Variants in SCAF8 observed in about 807,000 individuals in gnomAD.
The protein encoded by SCAF8 is SR-related CTD associated factor 8, also known as SR-related and CTD-associated factor 8.
In SCAF8, 23 loss-of-function variants were observed where a neutral mutation model predicts 140.5. That is an observed-to-expected ratio of 0.16 (90% CI 0.12 to 0.23). SCAF8 has a LOEUF of 0.23. SCAF8 is among the 10% of genes least tolerant of loss of function. The probability of loss-of-function intolerance (pLI) is 1.00; values close to 1 mark genes in which losing one functional copy is unlikely to be tolerated. For missense variants in SCAF8, 1,397 were observed against 1,555.7 expected, an observed-to-expected ratio of 0.90 and a Z score of 1.72; for synonymous variants, 575 against 528.9, an observed-to-expected ratio of 1.09 and a Z score of -1.20.
intron 1 of SCAF8, among the ~76,000 whole-genome samples, chr6:154,765,130 T>TC (rs1204844423): frequency 6.6e-6 from 1 of 152,222 alleles, no homozygotes; most frequent in African/African-American, 2.4e-5. Context: ...ATCATCATCA[T>TC]ATTCTTTTTC....
At chr6:154,749,503 G>A (rs962243012) in intron 1 of SCAF8, among the ~76,000 whole-genome samples, 3 of 152,142 alleles carry the variant, frequency 2.0e-5, no homozygotes, top group Non-Finnish European at 4.4e-5. Context: ...TTCTGATGGG[G>A]TGGGGCTGGG....
At chr6:154,785,857 C>T (rs936565703) in intron 3 of SCAF8, among the ~76,000 whole-genome samples, 3 of 152,126 alleles carry the variant, frequency 2.0e-5, no homozygotes, top group African/African-American at 7.2e-5. Flanking sequence ...CTTTCTCCCC[C>T]TAAAAAGGCT....
At chr6:154,786,840 C>T (rs1224918912) in intron 3 of SCAF8, among the ~76,000 whole-genome samples, 1 of 152,124 alleles carries the variant, frequency 6.6e-6, no homozygotes, top group South Asian at 2.1e-4. Flanking sequence ...GATGACTTAG[C>T]CAAGTTTTCC....
intron 11 of SCAF8, among the ~76,000 whole-genome samples, chr6:154,809,573 AAAG>A (rs1778026624): frequency 6.6e-6 from 1 of 152,204 alleles, no homozygotes; most frequent in South Asian, 2.1e-4. Flanking sequence ...GACAGGCAAA[AAAG>A]AAAGTGTTTC....
intron 3 of SCAF8, among the ~76,000 whole-genome samples, chr6:154,779,067 C>CT (rs1431817117): frequency 6.6e-6 from 1 of 152,114 alleles, no homozygotes; most frequent in East Asian, 1.9e-4. Context: ...GAGTCTCACT[C>CT]TGTCGCCCAA....
At chr6:154,792,550 G>A (rs1191656183) in intron 4 of SCAF8, among the ~76,000 whole-genome samples, 2 of 152,154 alleles carry the variant, frequency 1.3e-5, no homozygotes, top group African/African-American at 4.8e-5. Flanking sequence ...ATCATTAGAA[G>A]TGACATAAGA....
At chr6:154,787,129 A>G (rs1356503095) in intron 3 of SCAF8, among the ~76,000 whole-genome samples, 1 of 152,206 alleles carries the variant, frequency 6.6e-6, no homozygotes, top group Non-Finnish European at 1.5e-5. Context: ...TCTAGGCAGG[A>G]GGATTGCTTG....
chr6:154,801,722 T>C (rs577852750), intron 6 of SCAF8, among the ~76,000 whole-genome samples: 2 of 151,678 alleles, frequency 1.3e-5, no homozygotes, highest in South Asian at 2.1e-4. Context: ...GATGAGCGCT[T>C]TATCTGGTTG....
chr6:154,792,821 A>G lies in SCAF8; in HGVS notation c.322-2A>G. On this transcript the variant is annotated splice_acceptor_variant, in intron 4 of 19. Transcript: ENST00000367178. LOFTEE classifies it high-confidence loss of function. ...AAATGTCATGTTTCTTTTTTTCTCTAGAGTAAAATAGTGAGAGTACTAAAC... is the reference window on the plus strand; with the variant it reads ...AAATGTCATGTTTCTTTTTTTCTCTGGAGTAAAATAGTGAGAGTACTAAAC... The G allele has an allele frequency of 6.3e-7, 1 of 1,585,986 alleles. No homozygotes were observed. The highest frequency in any genetic ancestry group is 8.6e-7 in the Non-Finnish European group (1 of 1,167,000).
chr6:154,780,369 TTTTAAA>T (rs2114856786), intron 3 of SCAF8, among the ~76,000 whole-genome samples: 1 of 151,452 alleles, frequency 6.6e-6, no homozygotes, highest in South Asian at 2.1e-4. Context: ...TTTTTTTTTT[TTTTAAA>T]TTTAAGTTCT....
chr6:154,799,330 C>G (rs1463967733), intron 6 of SCAF8, among the ~76,000 whole-genome samples: 1 of 151,182 alleles, frequency 6.6e-6, no homozygotes, highest in African/African-American at 2.4e-5. Context: ...CCAGGCTGGT[C>G]TCAGACTCCT....
At chr6:154,735,848 G>C (rs1161102297) in intron 1 of SCAF8, among the ~76,000 whole-genome samples, 1 of 150,734 alleles carries the variant, frequency 6.6e-6, no homozygotes, top group African/African-American at 2.4e-5. Context: ...TTCTTTTTTT[G>C]AGGAGTGTCA....
chr6:154,750,178 C>T lies in SCAF8; in HGVS notation c.30+16248C>T, dbSNP rs1349567664. Among the ~76,000 whole-genome samples, 6 of 152,012 alleles carry T rather than the reference C, an allele frequency of 3.9e-5. No homozygotes were observed. The East Asian group carries it at 9.6e-4, about 24-fold the overall frequency. On this transcript the variant is annotated intron_variant, in intron 1 of 19. Coordinates refer to ENST00000367178, the MANE Select transcript of SCAF8 (RefSeq NM_014892.5). ...ATAAAAGAAAGATCCTCACTGTGGACGGAGGCTTAAAATCACCTTTATCTC... is the reference window on the plus strand; with the variant it reads ...ATAAAAGAAAGATCCTCACTGTGGATGGAGGCTTAAAATCACCTTTATCTC...
chr6:154,737,496 C>T (rs1254618834), intron 1 of SCAF8, among the ~76,000 whole-genome samples: 5 of 151,988 alleles, frequency 3.3e-5, no homozygotes, highest in Non-Finnish European at 7.4e-5. Context: ...GCCAGCATGG[C>T]GAAACCCCCA....
At chr6:154,753,468 A>G (rs1001745463) in intron 1 of SCAF8, among the ~76,000 whole-genome samples, 2 of 151,742 alleles carry the variant, frequency 1.3e-5, no homozygotes, top group Non-Finnish European at 2.9e-5. Flanking sequence ...CTTTGTCTCA[A>G]AAAAATAAAT....
At position 154,827,835 on chromosome 6, in the gene SCAF8, G is replaced by C. The variant is rs1023253550; in HGVS notation, c.2140+595G>C. 1.8e-4 allele frequency among the ~76,000 whole-genome samples: 7 copies of C among 39,834 alleles called. No homozygotes were observed. The South Asian group carries it at 2.1e-3, about 12-fold the overall frequency. The allele number at this position is 39,834 out of a possible 152,430, so 26.1% of individuals were successfully genotyped here. A position where few individuals can be genotyped will look rare whatever the true frequency, so the allele number is the denominator to read the frequency against. On this transcript the variant is annotated intron_variant, in intron 18 of 19. Coordinates refer to ENST00000367178, the MANE Select transcript of SCAF8 (RefSeq NM_014892.5). ...CCCCACACCTTTTTTGGGGCGGGGC[G>C]GGGGGGGGGGCGGTGTAAAACTTTA...
At chr6:154,753,596 G>A (rs934762138) in intron 1 of SCAF8, among the ~76,000 whole-genome samples, 3 of 152,240 alleles carry the variant, frequency 2.0e-5, no homozygotes, top group African/African-American at 4.8e-5. Flanking sequence ...CCAAGATCGC[G>A]ACTCTGCCTC....
At chr6:154,769,289 A>AT (rs1361782642) in intron 1 of SCAF8, among the ~76,000 whole-genome samples, 1 of 152,132 alleles carries the variant, frequency 6.6e-6, no homozygotes, top group Non-Finnish European at 1.5e-5. Flanking sequence ...TCTAAATTAT[A>AT]TTTTTTGCTC....
rs762666246 is a variant in SCAF8 at position 154,802,075 on chromosome 6, G to A, written c.711G>A (p.Thr237=). ...AGLVVQLQAL[T]AQLTAAAAAA... ...TTGTTGTTCAGTTGCAAGCTCTTAC[G>A]GCACAACTTACAGCTGCAGCTGCAG... Residue 237 remains threonine (T), a synonymous_variant, in exon 7 of 20, where the codon ACG becomes ACA. Transcript: ENST00000367178. The A allele has an allele frequency of 5.1e-5, 83 of 1,612,906 alleles. No individual in the cohort carries two copies. In the South Asian group the frequency reaches 6.3e-4, roughly 12 times the overall value.
Sources: gnomAD v4.1 joint callset for allele counts (sites outside exome capture counted in the v4.1 genomes callset) on GRCh38, gnomAD v4.1.1 for gene constraint, MANE v1.5 for transcripts, NCBI Gene and HGNC (gene_info 2026-07-23, HGNC 2026-07-21) for gene names.